Variants in FHIT observed in about 807,000 individuals in gnomAD.
FHIT encodes fragile histidine triad diadenosine triphosphatase.
A neutral mutation model predicts 17.9 loss-of-function variants in FHIT; 19 were observed. The observed-to-expected ratio is 1.06, with a 90% CI of 0.74 to 1.56. The LOEUF (loss-of-function observed/expected upper bound fraction) is 1.56. FHIT is among the 40% of genes most tolerant of loss of function. The pLI is 0.00. For missense variants in FHIT, 248 were observed against 189.2 expected, an observed-to-expected ratio of 1.31 and a Z score of -1.82; for synonymous variants, 81 against 69.7, an observed-to-expected ratio of 1.16 and a Z score of -0.81.
intron 5 of FHIT, among the ~76,000 whole-genome samples, chr3:60,184,537 TCATCA>T (rs1396681431): frequency 6.6e-6 from 1 of 152,074 alleles, no homozygotes; most frequent in Non-Finnish European, 1.5e-5. Context: ...AGTGCCATAC[TCATCA>T]CATCATAGCA....
intron 5 of FHIT, among the ~76,000 whole-genome samples, chr3:60,381,767 C>G (rs939283748): frequency 2.6e-5 from 4 of 151,452 alleles, no homozygotes; most frequent in Non-Finnish European, 1.5e-5. Flanking sequence ...TTTCTCCTAT[C>G]CTCTACATGG....
intron 3 of FHIT, among the ~76,000 whole-genome samples, chr3:61,011,454 C>G (rs2031783562): frequency 6.6e-6 from 1 of 152,076 alleles, no homozygotes; most frequent in Admixed American, 6.6e-5. Context: ...TTGAAATCCT[C>G]AGAACATATA....
intron 1 of FHIT, among the ~76,000 whole-genome samples, chr3:61,228,448 A>G (rs2040021587): frequency 6.6e-6 from 1 of 152,020 alleles, no homozygotes; most frequent in Admixed American, 6.5e-5. Context: ...ACAATTTACT[A>G]CTCTTTATCC....
intron 8 of FHIT, among the ~76,000 whole-genome samples, chr3:59,870,062 G>A (rs1248343225): frequency 6.6e-6 from 1 of 152,154 alleles, no homozygotes; most frequent in African/African-American, 2.4e-5. Context: ...TGGGGAAACT[G>A]AGATAGAGTT....
chr3:60,442,638 G>C (rs1279224681), intron 5 of FHIT, among the ~76,000 whole-genome samples: 3 of 152,230 alleles, frequency 2.0e-5, no homozygotes, highest in African/African-American at 7.2e-5. Context: ...CTATATCTCT[G>C]TTTTGGTAAC....
intron 8 of FHIT, among the ~76,000 whole-genome samples, chr3:59,796,100 A>G (rs1295307310): frequency 6.6e-6 from 1 of 152,106 alleles, no homozygotes; most frequent in Non-Finnish European, 1.5e-5. Context: ...GCAAGACATG[A>G]TTCTCCCTAA....
intron 4 of FHIT, among the ~76,000 whole-genome samples, chr3:60,586,161 G>A (rs782072093): frequency 2.0e-5 from 3 of 151,802 alleles, no homozygotes; most frequent in African/African-American, 4.8e-5. Flanking sequence ...GAGCACACTG[G>A]CTGCAGTAAA....
At chr3:60,391,261 G>A (rs1301300405) in intron 5 of FHIT, among the ~76,000 whole-genome samples, 16 of 152,076 alleles carry the variant, frequency 1.1e-4, no homozygotes, top group African/African-American at 3.9e-4. Flanking sequence ...TGAGATTATT[G>A]AAGAAAGAAA....
intron 5 of FHIT, among the ~76,000 whole-genome samples, chr3:60,493,657 GA>G (rs1024261326): frequency 4.6e-5 from 7 of 152,018 alleles, no homozygotes; most frequent in African/African-American, 1.7e-4. Flanking sequence ...TGGACATAAA[GA>G]AAAAAATCTC....
chr3:60,004,720 C>G (rs1383028308), intron 7 of FHIT, among the ~76,000 whole-genome samples: 1 of 152,142 alleles, frequency 6.6e-6, no homozygotes, highest in Non-Finnish European at 1.5e-5. Flanking sequence ...ATCCCAATTC[C>G]ACTATCTGTC....
At chr3:59,786,888 C>T (rs1699330689) in intron 8 of FHIT, among the ~76,000 whole-genome samples, 1 of 152,206 alleles carries the variant, frequency 6.6e-6, no homozygotes. Flanking sequence ...AACCCAAATG[C>T]TTTATGTGAG....
chr3:60,202,052 A>G (rs764857908), intron 5 of FHIT, among the ~76,000 whole-genome samples: 1 of 152,188 alleles, frequency 6.6e-6, no homozygotes. Flanking sequence ...GAAATTCTGT[A>G]GACTGTTTTG....
chr3:60,280,668 C>T (rs926173595), intron 5 of FHIT, among the ~76,000 whole-genome samples: 1 of 152,034 alleles, frequency 6.6e-6, no homozygotes, highest in African/African-American at 2.4e-5. Context: ...CCTGCTGACA[C>T]CTAGATTTTA....
intron 1 of FHIT, among the ~76,000 whole-genome samples, chr3:61,220,920 C>A (rs909016968): frequency 1.3e-5 from 2 of 152,176 alleles, no homozygotes; most frequent in Non-Finnish European, 2.9e-5. Context: ...CACGACATGC[C>A]CTTGCCACAT....
At position 61,122,711 on chromosome 3, in the gene FHIT, C is replaced by G. The variant is rs186579988; in HGVS notation, c.-164+77906G>C. Among the ~76,000 whole-genome samples, 88 of 152,198 alleles carry G rather than the reference C, an allele frequency of 5.8e-4. No individual in the cohort carries two copies. The East Asian group carries it at 0.017, about 29-fold the overall frequency. ...GCGAAGGATATGAACAGTCACTTCT[C>G]AAAAGAAGACATTTATGTGGACAAC... On this transcript the variant is annotated intron_variant, in intron 2 of 9. Transcript: ENST00000492590.
chr3:60,235,231 G>GTTTT (rs375274237), intron 5 of FHIT, among the ~76,000 whole-genome samples: 65,285 of 147,040 alleles, frequency 0.44, 14,835 homozygotes, highest in African/African-American at 0.52. Context: ...GCTTTTGTTT[G>GTTTT]TTGTTTTTTT....
Position 59,747,671 on chromosome 3 carries a change from AAGAC to A in FHIT, c.*1910_*1913del, listed in dbSNP as rs960549043. Among the ~76,000 whole-genome samples, 6 of 152,108 alleles carry A rather than the reference AAGAC, an allele frequency of 3.9e-5. No homozygotes were observed. The highest frequency in any genetic ancestry group is 1.4e-4 in the African/African-American group (6 of 41,432). On this transcript the variant is annotated 3_prime_UTR_variant, in exon 10 of 10. Transcript: ENST00000492590. Reference sequence around the variant, plus strand: ...TCTTCTTTGCAACCTGTTGGTTTTCAAGACAGACTGTCGGCAAGCAAAATGTCAG... The same window carrying A: ...TCTTCTTTGCAACCTGTTGGTTTTCAAGACTGTCGGCAAGCAAAATGTCAG...
chr3:60,338,088 C>T (rs1209642654), intron 5 of FHIT, among the ~76,000 whole-genome samples: 1 of 152,120 alleles, frequency 6.6e-6, no homozygotes, highest in East Asian at 1.9e-4. Flanking sequence ...ACCTGAGATG[C>T]AGCAGGGGAC....
At chr3:60,311,981 G>C (rs1302700599) in intron 5 of FHIT, among the ~76,000 whole-genome samples, 1 of 152,102 alleles carries the variant, frequency 6.6e-6, no homozygotes, top group African/African-American at 2.4e-5. Context: ...TTTATAAACT[G>C]AATTATAAAA....
Sources: allele counts gnomAD v4.1 joint callset (sites outside exome capture counted in the v4.1 genomes callset), GRCh38; gene constraint gnomAD v4.1.1; transcripts MANE v1.5; gene names NCBI Gene and HGNC (gene_info 2026-07-23, HGNC 2026-07-21).